SMG6: variants seen among roughly 807,000 people sequenced by gnomAD.
SMG6 encodes telomerase-binding protein EST1A.
Under a neutral mutation model 142.2 loss-of-function variants are expected in SMG6, and 66 were observed. The observed-to-expected ratio is 0.46, with a 90% CI of 0.38 to 0.57. SMG6 has a LOEUF of 0.57. Ranked by LOEUF, SMG6 falls within the 20% of genes least tolerant of loss-of-function variation. SMG6 has a pLI of 0.00. For synonymous variants in SMG6, 779 were observed against 702.4 expected, an observed-to-expected ratio of 1.11 and a Z score of -1.72; for missense variants, 1,793 against 1,832.0, an observed-to-expected ratio of 0.98 and a Z score of 0.39.
intron 8 of SMG6, among the ~76,000 whole-genome samples, chr17:2,268,969 C>A (rs2074485671): frequency 6.7e-6 from 1 of 150,272 alleles, no homozygotes; most frequent in South Asian, 2.1e-4. Flanking sequence ...CTTTGGGAGG[C>A]CGAGGCGGGC....
intron 10 of SMG6, among the ~76,000 whole-genome samples, chr17:2,195,223 G>A (rs1020824595): frequency 9.2e-5 from 14 of 152,106 alleles, no homozygotes; most frequent in Admixed American, 2.6e-4. Context: ...AAAAAGGGTC[G>A]ATGGTTTACT....
intron 13 of SMG6, among the ~76,000 whole-genome samples, chr17:2,105,606 T>A (rs1183338771): frequency 1.3e-5 from 2 of 152,120 alleles, no homozygotes; most frequent in Non-Finnish European, 2.9e-5. Context: ...CTAAAGGCCC[T>A]CAGGACAGAA....
chr17:2,288,936 G>C (rs1025047329), intron 6 of SMG6, among the ~76,000 whole-genome samples: 1 of 151,220 alleles, frequency 6.6e-6, no homozygotes, highest in Non-Finnish European at 1.5e-5. Context: ...AAAATTAGCC[G>C]GGTGTGGTGG....
intron 13 of SMG6, chr17:2,086,986 C>T (rs1349735081): frequency 7.8e-7 from 1 of 1,285,178 alleles, no homozygotes; most frequent in South Asian, 1.2e-5. Context: ...CTAGCCCCTG[C>T]CTCTCTTTTA....
Position 2,064,294 on chromosome 17 carries a change from C to T in SMG6, c.4129+779G>A, listed in dbSNP as rs570864955. Reference sequence around the variant, plus strand: ...TCCAAATGAAAAAAATGCCAGAATCCTGGGAGCCAGGAGCAGAAAACCCTA... The same window carrying T: ...TCCAAATGAAAAAAATGCCAGAATCTTGGGAGCCAGGAGCAGAAAACCCTA... On this transcript the variant is annotated intron_variant, in intron 18 of 18. Coordinates refer to ENST00000263073, the MANE Select transcript of SMG6 (RefSeq NM_017575.5). 7.3e-4 allele frequency among the ~76,000 whole-genome samples: 111 copies of T among 152,252 alleles called. 1 individual carries two copies. Among genetic ancestry groups the T allele is most frequent in the African/African-American group, 2.4e-3 (99 of 41,556 alleles).
intron 10 of SMG6, among the ~76,000 whole-genome samples, chr17:2,226,825 A>G (rs545256544): frequency 6.6e-6 from 1 of 151,030 alleles, no homozygotes; most frequent in East Asian, 2.0e-4. Context: ...TAAATCCAGG[A>G]GGCGGAGGGT....
At chr17:2,160,859 T>C (rs747600986) in intron 13 of SMG6, among the ~76,000 whole-genome samples, 3 of 151,772 alleles carry the variant, frequency 2.0e-5, no homozygotes, top group Non-Finnish European at 2.9e-5. Context: ...AAAGTAAATA[T>C]AATTATGAAG....
At chr17:2,285,639 G>C (rs1456246089) in intron 6 of SMG6, among the ~76,000 whole-genome samples, 2 of 152,054 alleles carry the variant, frequency 1.3e-5, no homozygotes, top group Non-Finnish European at 2.9e-5. Context: ...AGGAGTTCAG[G>C]ACCAGCCTTG....
At chr17:2,240,722 T>C (rs775422416) in intron 9 of SMG6, among the ~76,000 whole-genome samples, 74 of 152,330 alleles carry the variant, frequency 4.9e-4, no homozygotes, top group African/African-American at 1.7e-3. Context: ...ATCTTGCACA[T>C]AGTAGGCATT....
chr17:2,249,707 C>G (rs1423946705), intron 8 of SMG6, among the ~76,000 whole-genome samples: 3 of 152,328 alleles, frequency 2.0e-5, no homozygotes, highest in Admixed American at 1.3e-4. Flanking sequence ...GTGAGGCCAC[C>G]TGCGTTCAGA....
At chr17:2,138,447 G>A (rs2070374070) in intron 13 of SMG6, among the ~76,000 whole-genome samples, 1 of 152,110 alleles carries the variant, frequency 6.6e-6, no homozygotes, top group South Asian at 2.1e-4. Flanking sequence ...TAGACAGACT[G>A]TGCCCAGCCA....
At chr17:2,290,904 A>G (rs2075016495) in intron 6 of SMG6, among the ~76,000 whole-genome samples, 1 of 152,250 alleles carries the variant, frequency 6.6e-6, no homozygotes, top group South Asian at 2.1e-4. Flanking sequence ...CATACATTAT[A>G]TGATCCCATT....
chr17:2,187,377 T>C (rs2072022430), intron 11 of SMG6, among the ~76,000 whole-genome samples: 1 of 152,190 alleles, frequency 6.6e-6, no homozygotes, highest in South Asian at 2.1e-4. Flanking sequence ...TTTTTTCCCC[T>C]TGCTATAAAG....
chr17:2,077,294 A>G (rs1053458658), intron 15 of SMG6, among the ~76,000 whole-genome samples: 1 of 152,184 alleles, frequency 6.6e-6, no homozygotes, highest in Non-Finnish European at 1.5e-5. Context: ...TAACTGGAAC[A>G]TGAGACATGA....
rs984156186 is a variant in SMG6 at position 2,184,511 on chromosome 17, G to T, written c.3155+2152C>A. On this transcript the variant is annotated intron_variant, in intron 12 of 18. Transcript: ENST00000263073. ...CATCTCTACTAAAAATAAAAAATTA[G>T]CTGGGTGTGGTAGCACATGCCTGTA... Among the ~76,000 whole-genome samples, 19 of 151,218 alleles carry T rather than the reference G, an allele frequency of 1.3e-4. No individual in the cohort carries two copies. In the East Asian group the frequency reaches 3.5e-3, roughly 28 times the overall value.
intron 10 of SMG6, among the ~76,000 whole-genome samples, chr17:2,230,264 T>C (rs1597657443): frequency 1.7e-5 from 1 of 59,272 alleles, no homozygotes; most frequent in Non-Finnish European, 3.1e-5. Context: ...CCAAAATTCC[T>C]CCAAATAATG....
chr17:2,222,532 G>A (rs897834861), intron 10 of SMG6, among the ~76,000 whole-genome samples: 1 of 96,766 alleles, frequency 1.0e-5, no homozygotes, highest in Non-Finnish European at 2.1e-5. Context: ...TGAGCTCAGA[G>A]AGAGGCAATG....
intron 10 of SMG6, among the ~76,000 whole-genome samples, chr17:2,192,894 A>G (rs774886195): frequency 3.1e-4 from 47 of 152,228 alleles, no homozygotes; most frequent in Admixed American, 5.2e-4. Context: ...GCAAAAGCAG[A>G]GATGTCTTTT....
At chr17:2,218,383 A>C (rs921459465) in intron 10 of SMG6, among the ~76,000 whole-genome samples, 8 of 152,138 alleles carry the variant, frequency 5.3e-5, no homozygotes, top group Non-Finnish European at 1.2e-4. Context: ...TCCCGTCTCT[A>C]CTAAAAATAC....
Sources: gnomAD v4.1 joint callset for allele counts (sites outside exome capture counted in the v4.1 genomes callset) on GRCh38, gnomAD v4.1.1 for gene constraint, MANE v1.5 for transcripts, NCBI Gene and HGNC (gene_info 2026-07-23, HGNC 2026-07-21) for gene names.